The following LETM2 variants were observed in gnomAD, a reference collection of about 807,000 sequenced individuals.
LETM2 encodes the protein leucine zipper and EF-hand containing transmembrane protein 2.
Under a neutral mutation model 59.6 loss-of-function variants are expected in LETM2, and 58 were observed. The observed-to-expected ratio is 0.97, with a 90% CI of 0.79 to 1.21. The LOEUF is 1.21. Among genes scored for constraint, LETM2 ranks in the 50% most tolerant of loss-of-function variants. The probability of loss-of-function intolerance (pLI) is 0.00; values close to 1 mark genes in which losing one functional copy is unlikely to be tolerated. For synonymous variants in LETM2, 199 were observed against 214.1 expected, an observed-to-expected ratio of 0.93 and a Z score of 0.62; for missense variants, 572 against 575.7, an observed-to-expected ratio of 0.99 and a Z score of 0.07.
Position 38,400,358 on chromosome 8 carries a change from C to T in LETM2, c.732C>T (p.Asn244=). ...CCATGACAGAAATGGCAAGGAGGAA[C>T]AGAGCCAAGATGGGCGATGCCTCTA... ...QETMTEMARR[N]RAKMGDASTQ... is the part of the protein sequence containing the mutation. The change falls in exon 5 of 11, where the codon AAC becomes AAT. Residue 244 remains asparagine (N), a synonymous_variant. Coordinates refer to ENST00000379957, the MANE Select transcript of LETM2 (RefSeq NM_001286819.2). 1 of 1,613,406 alleles carries T rather than the reference C, an allele frequency of 6.2e-7. No homozygotes were observed. Among genetic ancestry groups the T allele is most frequent in the Non-Finnish European group, 8.5e-7 (1 of 1,179,680 alleles).
intron 3 of LETM2, chr8:38,393,695 G>A (rs1250509147): frequency 6.2e-6 from 1 of 160,494 alleles, no homozygotes; most frequent in Non-Finnish European, 1.4e-5. Flanking sequence ...ATTAAAGTAT[G>A]GACCCTCTAA....
At chr8:38,391,939 G>C (rs1812317210) in intron 2 of LETM2, among the ~76,000 whole-genome samples, 1 of 152,016 alleles carries the variant, frequency 6.6e-6, no homozygotes, top group South Asian at 2.1e-4. Flanking sequence ...TGATCCACCT[G>C]CCTTGGCCTC....
At chr8:38,383,976 T>C (rs1179126017), upstream of LETM2, among the ~76,000 whole-genome samples, 2 of 152,164 alleles carry the variant, frequency 1.3e-5, no homozygotes, top group African/African-American at 4.8e-5. Context: ...TAAATATTTT[T>C]AAACGTATGC....
chr8:38,390,890 C>G (rs1399489263), intron 2 of LETM2, among the ~76,000 whole-genome samples: 1 of 151,340 alleles, frequency 6.6e-6, no homozygotes, highest in Non-Finnish European at 1.5e-5. Flanking sequence ...ACCATGTTGG[C>G]CAGGATGGTC....
intron 4 of LETM2, chr8:38,396,945 C>A: frequency 3.1e-6 from 1 of 326,164 alleles, no homozygotes; most frequent in Non-Finnish European, 6.0e-6. Flanking sequence ...AAACAGAAAT[C>A]CACTGTTACC....
intron 7 of LETM2, 102 bp from the exon 8 acceptor site, chr8:38,404,291 C>A: frequency 1.3e-6 from 1 of 787,036 alleles, no homozygotes; most frequent in Non-Finnish European, 2.2e-6. Flanking sequence ...GCGGAAAGGG[C>A]GGGGGCGGTG....
intron 6 of LETM2, 127 bp from the exon 7 acceptor site, chr8:38,402,398 A>G: frequency 9.9e-7 from 1 of 1,008,116 alleles, no homozygotes; most frequent in Non-Finnish European, 1.5e-6. Context: ...TCGCCTTTGC[A>G]GTAGCAGCCA....
In LETM2 at chr8:38,408,264, A is replaced by G; in HGVS notation, c.1466A>G (p.Lys489Arg). The change falls in exon 11 of 11, where the codon AAA (lysine) becomes AGA (arginine). Residue 489 changes from lysine (K) to arginine (R), a missense_variant. Transcript: ENST00000379957. The part of the protein sequence containing the change: ...MTAQNSKASS[K>R]GA ...GCCCAGAACAGCAAGGCTAGTTCAA[A>G]AGGAGCATAAAGGACTACTTGAGGA... The G allele has an allele frequency of 6.2e-7, 1 of 1,612,616 alleles. No homozygotes were observed. Among genetic ancestry groups the G allele is most frequent in the Non-Finnish European group, 8.5e-7 (1 of 1,179,314 alleles).
chr8:38,388,077 C>G lies in LETM2; in HGVS notation c.47+47C>G. The G allele has an allele frequency of 3.6e-6, 4 of 1,112,352 alleles. No individual in the cohort carries two copies. The Admixed American group carries it at 1.1e-4, about 32-fold the overall frequency. The allele number at this position is 1,112,352 out of a possible 1,614,324, so 68.9% of individuals were successfully genotyped here. On this transcript the variant is annotated intron_variant, in intron 2 of 10. Transcript: ENST00000379957. Reference sequence around the variant, plus strand: ...CAATATGAACGTAATTCTTCTTCTTCTTCTTTTTTTTTTTTTTTTCTGAGA... The same window carrying G: ...CAATATGAACGTAATTCTTCTTCTTGTTCTTTTTTTTTTTTTTTTCTGAGA...
upstream of LETM2, chr8:38,382,702 A>C (rs992501797): frequency 6.6e-6 from 1 of 151,922 alleles, no homozygotes; most frequent in Admixed American, 6.5e-5. The surrounding 1 kb of genome is among the most constrained non-coding windows in gnomAD (Gnocchi z 4.2). Context: ...CGACCCTCGC[A>C]CGGTCCCCGG....
intron 7 of LETM2, 33 bp from the exon 8 acceptor site, chr8:38,404,360 A>C: frequency 1.4e-6 from 2 of 1,430,150 alleles, no homozygotes. Context: ...TGGTGTTCTG[A>C]TTCTCACGTG....
At position 38,407,354 on chromosome 8, in the gene LETM2, T is replaced by C. The variant is rs904646786; in HGVS notation, c.1312-8T>C. On this transcript the variant is annotated splice_polypyrimidine_tract_variant and splice_region_variant and intron_variant, in intron 9 of 10. Coordinates refer to ENST00000379957, the MANE Select transcript of LETM2 (RefSeq NM_001286819.2). ...TCAGTAACCCAACTCTCAGTTCTGA[T>C]GTTTAAGGATGAAGACTTTATACAG... 4 of 1,586,188 alleles carry C rather than the reference T, an allele frequency of 2.5e-6. No homozygotes were observed. The highest frequency in any genetic ancestry group is 3.3e-5 in the Admixed American group (2 of 59,986).
chr8:38,400,228 A>G (rs376781717), intron 4 of LETM2, 44 bp from the exon 5 acceptor site: 16 of 1,496,638 alleles, frequency 1.1e-5, no homozygotes, highest in African/African-American at 5.6e-5. Flanking sequence ...CTACCAATTT[A>G]CAATCACGAA....
At position 38,407,441 on chromosome 8, in the gene LETM2, C is replaced by T. The variant is rs372995502; in HGVS notation, c.1391C>T (p.Pro464Leu). The change falls in exon 10 of 11, where the codon CCC (proline) becomes CTC (leucine). Residue 464 changes from proline to leucine, a missense_variant. Transcript: ENST00000379957. ...PSTPISLPKGPITSSEEPTLQ... is the reference protein window; with the variant it reads ...PSTPISLPKGLITSSEEPTLQ... ...ACACCTATTTCATTACCTAAAGGAC[C>T]CATCACTTCTTCTGAAGAACCTGTA... The T allele has an allele frequency of 6.2e-5, 100 of 1,607,272 alleles. No individual in the cohort carries two copies. The highest frequency in any genetic ancestry group is 8.1e-5 in the Non-Finnish European group (95 of 1,174,096).
Position 38,400,848 on chromosome 8 carries a change from C to T in LETM2, c.784-5C>T. 6.2e-7 allele frequency: 1 copy of T among 1,612,510 alleles called. No individual in the cohort carries two copies. Among genetic ancestry groups the T allele is most frequent in the South Asian group, 1.1e-5 (1 of 90,904 alleles). Reference sequence around the variant, plus strand: ...TTTAATTGGCCTTTTTGTCCCACTGCATAGGTCCAGACAGGCCACAAGCCC... The same window carrying T: ...TTTAATTGGCCTTTTTGTCCCACTGTATAGGTCCAGACAGGCCACAAGCCC... On this transcript the variant is annotated splice_polypyrimidine_tract_variant and splice_region_variant and intron_variant, in intron 5 of 10. Transcript: ENST00000379957.
rs1233240586 is a variant in LETM2, at chr8:38,408,644, G to C, written c.*370G>C. The C allele has an allele frequency of 1.7e-5, 3 of 172,302 alleles. No individual in the cohort carries two copies. The highest frequency in any genetic ancestry group is 2.5e-5 in the Non-Finnish European group (2 of 79,964). 10.7% of individuals were successfully genotyped at this position (172,302 alleles called of 1,614,324 possible). A position where few individuals can be genotyped will look rare whatever the true frequency, so the allele number is the denominator to read the frequency against. On this transcript the variant is annotated 3_prime_UTR_variant, in exon 11 of 11. Transcript: ENST00000379957. The stretch of plus-strand genomic sequence containing the variant: ...TTAGATACCTGTCTCCTATGGCTTG[G>C]AATTCTGAGTAAGAACTTGGAAGTT...
chr8:38,405,853 T>A (rs1451407236), intron 8 of LETM2, among the ~76,000 whole-genome samples: 1 of 152,246 alleles, frequency 6.6e-6, no homozygotes, highest in Admixed American at 6.5e-5. Flanking sequence ...TTTATCCAGA[T>A]GTTGCTTTCT....
chr8:38,402,638 C>G lies in LETM2; in HGVS notation c.1098C>G (p.Leu366=). 2 of 1,614,052 alleles carry G rather than the reference C, an allele frequency of 1.2e-6. No individual in the cohort carries two copies. Among genetic ancestry groups the G allele is most frequent in the Non-Finnish European group, 1.7e-6 (2 of 1,179,980 alleles). ...GLTEEQLRQQ[L]TEWQDLHLKE... ...CGGAGGAACAACTGCGACAACAGCTCACGGAGGCAAGTAGCAGCGCCCCTC... is the reference window on the plus strand; with the variant it reads ...CGGAGGAACAACTGCGACAACAGCTGACGGAGGCAAGTAGCAGCGCCCCTC... Residue 366 remains leucine, a synonymous_variant, in exon 7 of 11, where the codon CTC becomes CTG. Transcript: ENST00000379957.
upstream of LETM2, among the ~76,000 whole-genome samples, chr8:38,383,779 A>C (rs930692477): frequency 1.3e-5 from 2 of 151,842 alleles, no homozygotes; most frequent in African/African-American, 4.8e-5. Flanking sequence ...AAATACAAAA[A>C]ATTAGCCGGG....
Sources: allele counts gnomAD v4.1 joint callset (sites outside exome capture counted in the v4.1 genomes callset), GRCh38; gene constraint gnomAD v4.1.1; non-coding constraint Gnocchi (gnomAD v3.1); transcripts MANE v1.5; gene names NCBI Gene and HGNC (gene_info 2026-07-23, HGNC 2026-07-21).